The following TASP1 variants were observed in gnomAD, a reference collection of about 807,000 sequenced individuals.
TASP1 encodes the protein taspase 1.
In TASP1, 16 loss-of-function variants were observed where a neutral mutation model predicts 56.6. That is an observed-to-expected ratio of 0.28 (90% CI 0.19 to 0.43). TASP1 has a LOEUF of 0.43. Ranked by LOEUF, TASP1 falls within the 20% of genes least tolerant of loss-of-function variation. The probability of loss-of-function intolerance (pLI) is 1.00; values close to 1 mark genes in which losing one functional copy is unlikely to be tolerated. For missense variants in TASP1, 393 were observed against 511.6 expected, an observed-to-expected ratio of 0.77 and a Z score of 2.24; for synonymous variants, 179 against 184.2, an observed-to-expected ratio of 0.97 and a Z score of 0.23.
intron 10 of TASP1, among the ~76,000 whole-genome samples, chr20:13,511,554 C>T (rs1277264585): frequency 6.6e-6 from 1 of 152,154 alleles, no homozygotes; most frequent in Non-Finnish European, 1.5e-5. Context: ...CTACCCTTCA[C>T]TTCATAGAAC....
At chr20:13,380,807 T>C in the TASP1 span, among the ~76,000 whole-genome samples, 2 of 152,208 alleles carry the variant, frequency 1.3e-5, no homozygotes, top group Non-Finnish European at 2.9e-5. Flanking sequence ...GCAGTTTGGC[T>C]ACAGCAGCTT....
At chr20:13,237,445 G>A in the TASP1 span, among the ~76,000 whole-genome samples, 85 of 152,330 alleles carry the variant, frequency 5.6e-4, no homozygotes, top group South Asian at 1.2e-3. Context: ...GTAATGTTGA[G>A]TGAAGGAAAC....
At chr20:13,242,063 A>G in the TASP1 span, among the ~76,000 whole-genome samples, 2 of 152,216 alleles carry the variant, frequency 1.3e-5, no homozygotes, top group Non-Finnish European at 2.9e-5. Flanking sequence ...AATGAGTTTT[A>G]AAACTGGAAA....
the TASP1 span, among the ~76,000 whole-genome samples, chr20:13,378,836 TTTGTC>T: frequency 1.3e-5 from 2 of 152,342 alleles, no homozygotes; most frequent in Middle Eastern, 6.8e-3. Context: ...AATGCCTTTC[TTTGTC>T]TTTTTTGATC....
chr20:13,577,029 TTAGAG>T (rs1199353753), intron 6 of TASP1, among the ~76,000 whole-genome samples: 11 of 152,046 alleles, frequency 7.2e-5, no homozygotes, highest in Non-Finnish European at 1.6e-4. Flanking sequence ...CCAAAGAAAA[TTAGAG>T]TATTGTATAT....
chr20:13,546,983 T>C (rs1448717033), intron 8 of TASP1, among the ~76,000 whole-genome samples: 1 of 152,212 alleles, frequency 6.6e-6, no homozygotes, highest in African/African-American at 2.4e-5. Context: ...AATAAAAGAT[T>C]TTAAACCTAT....
chr20:13,390,268 C>T lies in TASP1; in HGVS notation c.*92G>A. The T allele has an allele frequency of 2.5e-6, 3 of 1,179,808 alleles. No homozygotes were observed. Among genetic ancestry groups the T allele is most frequent in the East Asian group, 2.6e-5 (1 of 39,116 alleles). 73.1% of individuals were successfully genotyped at this position (1,179,808 alleles called of 1,614,324 possible). On this transcript the variant is annotated 3_prime_UTR_variant, in exon 14 of 14. Transcript: ENST00000337743. ...CGAGGTTGCAATAGGAATTATAAAACAAGAAAGATAAAACAACCAACTTCA... is the reference window on the plus strand; with the variant it reads ...CGAGGTTGCAATAGGAATTATAAAATAAGAAAGATAAAACAACCAACTTCA...
the TASP1 span, among the ~76,000 whole-genome samples, chr20:13,132,171 A>AT: frequency 0.063 from 6,532 of 103,982 alleles, 316 homozygotes; most frequent in African/African-American, 0.11. Context: ...CCTTGCTTTA[A>AT]TTTTTTTTTT....
At chr20:13,459,932 T>A (rs1330605950) in intron 11 of TASP1, among the ~76,000 whole-genome samples, 1 of 152,160 alleles carries the variant, frequency 6.6e-6, no homozygotes, top group Admixed American at 6.5e-5. Context: ...TTGCTCTAAC[T>A]TCTCATCTAT....
At chr20:13,579,088 C>T (rs938212543) in intron 6 of TASP1, among the ~76,000 whole-genome samples, 10 of 152,320 alleles carry the variant, frequency 6.6e-5, no homozygotes, top group East Asian at 1.9e-4. Context: ...TTTCTCCCTA[C>T]TGGGTACATA....
At chr20:13,264,997 T>C in the TASP1 span, among the ~76,000 whole-genome samples, 1 of 152,186 alleles carries the variant, frequency 6.6e-6, no homozygotes, top group Non-Finnish European at 1.5e-5. Context: ...CAGCGCAGTG[T>C]GATAGAAGGC....
chr20:13,472,153 A>G (rs1397442554), intron 11 of TASP1, among the ~76,000 whole-genome samples: 2 of 150,900 alleles, frequency 1.3e-5, no homozygotes, highest in Admixed American at 6.6e-5. Context: ...CCAACGGAAC[A>G]GAACAGGGGA....
chr20:13,324,229 T>C, the TASP1 span, among the ~76,000 whole-genome samples: 1 of 152,230 alleles, frequency 6.6e-6, no homozygotes, highest in Non-Finnish European at 1.5e-5. Flanking sequence ...GGGTTGTCTC[T>C]GACTTTCACA....
At chr20:13,636,845 C>G (rs1044602804) in intron 1 of TASP1, among the ~76,000 whole-genome samples, 1 of 152,066 alleles carries the variant, frequency 6.6e-6, no homozygotes, top group African/African-American at 2.4e-5. Flanking sequence ...TGAACTCCTA[C>G]CTCACATCAT....
At chr20:13,508,491 G>A (rs1380065555) in intron 10 of TASP1, among the ~76,000 whole-genome samples, 1 of 152,038 alleles carries the variant, frequency 6.6e-6, no homozygotes, top group African/African-American at 2.4e-5. Context: ...TGCTCAACTG[G>A]TATGTATTCT....
At chr20:13,487,120 A>G (rs1173966698) in intron 10 of TASP1, among the ~76,000 whole-genome samples, 2 of 152,202 alleles carry the variant, frequency 1.3e-5, no homozygotes, top group African/African-American at 2.4e-5. Flanking sequence ...GTATCTCTCC[A>G]TATTCTTCCT....
the TASP1 span, among the ~76,000 whole-genome samples, chr20:13,161,802 G>A: frequency 5.9e-5 from 9 of 152,158 alleles, no homozygotes; most frequent in African/African-American, 2.2e-4. Context: ...ACTTGAGTTT[G>A]AAATTATACA....
rs377170981 is a variant in TASP1 at position 13,594,592 on chromosome 20, T to C, written c.283-7222A>G. Among the ~76,000 whole-genome samples the C allele has an allele frequency of 4.6e-5, 7 of 152,208 alleles. No homozygotes were observed. In the East Asian group the frequency reaches 1.2e-3, roughly 25 times the overall value. On this transcript the variant is annotated intron_variant, in intron 4 of 13. Transcript: ENST00000337743. ...TTTGTGACACACGCACAATCTTCAA[T>C]AGCTGATTCAATCAAGTGGAAAAAA...
chr20:13,609,180 G>A (rs2048261289), intron 4 of TASP1, among the ~76,000 whole-genome samples: 2 of 151,946 alleles, frequency 1.3e-5, no homozygotes, highest in Non-Finnish European at 2.9e-5. Flanking sequence ...AATGGCTACA[G>A]GAACATTAAT....
Sources: allele counts gnomAD v4.1 joint callset (sites outside exome capture counted in the v4.1 genomes callset), GRCh38; gene constraint gnomAD v4.1.1; transcripts MANE v1.5; gene names NCBI Gene and HGNC (gene_info 2026-07-23, HGNC 2026-07-21).